The following GREB1L variants were observed in gnomAD, a reference collection of about 807,000 sequenced individuals.
GREB1L encodes the protein GREB1 like retinoic acid receptor coactivator.
Under a neutral mutation model 200.8 loss-of-function variants are expected in GREB1L, and 17 were observed. The observed-to-expected ratio is 0.08, with a 90% CI of 0.06 to 0.13. GREB1L has a LOEUF of 0.13. Among genes scored for constraint, GREB1L ranks in the 10% least tolerant of loss-of-function variants. The pLI, the probability that GREB1L is intolerant of heterozygous loss-of-function variation, is 1.00. For synonymous variants in GREB1L, 789 were observed against 893.0 expected (o/e 0.88, Z 2.08); for missense variants, 1,657 against 2,367.7 (o/e 0.70, Z 6.23).
At chr18:21,348,136 G>A (rs1032823161) in intron 1 of GREB1L, among the ~76,000 whole-genome samples, 33 of 151,490 alleles carry the variant, frequency 2.2e-4, no homozygotes, top group African/African-American at 7.3e-4. Context: ...TATTAGAGAC[G>A]GGGTTTCACC....
At chr18:21,307,028 T>C (rs957916436) in intron 1 of GREB1L, among the ~76,000 whole-genome samples, 2 of 152,250 alleles carry the variant, frequency 1.3e-5, no homozygotes, top group Non-Finnish European at 2.9e-5. Flanking sequence ...ATGTGATTGA[T>C]AATGTTTTCC....
intron 1 of GREB1L, among the ~76,000 whole-genome samples, chr18:21,245,390 A>T (rs1279278933): frequency 6.6e-6 from 1 of 152,224 alleles, no homozygotes; most frequent in Non-Finnish European, 1.5e-5. Flanking sequence ...TACTTAGAGT[A>T]ATATTGATTG....
rs370782073 is a variant in GREB1L at position 21,352,486 on chromosome 18, T to G, written c.-119-13541T>G. ...ATGCACTCTGTTGCCCAGGCTGGAG[T>G]GCGATGGTGAGATCTCGGCTCACTG... On this transcript the variant is annotated intron_variant, in intron 1 of 32. Coordinates refer to ENST00000424526, the MANE Select transcript of GREB1L (RefSeq NM_001142966.3). Among the ~76,000 whole-genome samples, 33 of 152,012 alleles carry G rather than the reference T, an allele frequency of 2.2e-4. No individual in the cohort carries two copies. The East Asian group carries it at 6.0e-3, about 28-fold the overall frequency.
intron 17 of GREB1L, among the ~76,000 whole-genome samples, chr18:21,482,914 G>A (rs1240742707): frequency 1.3e-5 from 2 of 152,054 alleles, no homozygotes; most frequent in African/African-American, 2.4e-5. Context: ...TACCTGAAAC[G>A]TATCTTTATA....
At chr18:21,287,937 G>A (rs1194126380) in intron 1 of GREB1L, among the ~76,000 whole-genome samples, 1 of 151,552 alleles carries the variant, frequency 6.6e-6, no homozygotes, top group Non-Finnish European at 1.5e-5. Flanking sequence ...TGGGATTACA[G>A]GCATACCCTG....
intron 1 of GREB1L, among the ~76,000 whole-genome samples, chr18:21,360,508 G>A (rs1478921322): frequency 1.3e-5 from 2 of 152,166 alleles, no homozygotes; most frequent in African/African-American, 2.4e-5. Flanking sequence ...TTACAGGCAC[G>A]AGCCACTGCA....
At position 21,343,907 on chromosome 18, in the gene GREB1L, G is replaced by A. The variant is rs2039305038; in HGVS notation, c.-119-22120G>A. ...TGTCCCACCTCAGCTTCCCGAGTAG[G>A]TGGAACTACAAGTGTGTACCACCAT... is the stretch of plus-strand genomic sequence containing the variant. On this transcript the variant is annotated intron_variant, in intron 1 of 32. Transcript: ENST00000424526. Among the ~76,000 whole-genome samples the A allele has an allele frequency of 2.0e-5, 3 of 151,782 alleles. No homozygotes were observed. The East Asian group carries it at 5.8e-4, about 29-fold the overall frequency.
chr18:21,249,373 C>G (rs185020693), intron 1 of GREB1L, among the ~76,000 whole-genome samples: 5 of 152,162 alleles, frequency 3.3e-5, no homozygotes, highest in African/African-American at 9.7e-5. Context: ...GGCCCCATCC[C>G]GAGCTTACTG....
intron 1 of GREB1L, among the ~76,000 whole-genome samples, chr18:21,296,780 G>A (rs1167517481): frequency 1.3e-5 from 2 of 151,662 alleles, no homozygotes; most frequent in African/African-American, 4.8e-5. Flanking sequence ...TCAGCCTCCT[G>A]ATTATCTGGG....
chr18:21,467,420 G>C (rs950241890), intron 15 of GREB1L, among the ~76,000 whole-genome samples: 3 of 152,126 alleles, frequency 2.0e-5, no homozygotes, highest in Non-Finnish European at 4.4e-5. Context: ...GTTTAATTAA[G>C]ATATGGATGA....
intron 1 of GREB1L, among the ~76,000 whole-genome samples, chr18:21,328,881 C>G (rs916326761): frequency 2.0e-5 from 3 of 152,108 alleles, no homozygotes; most frequent in Non-Finnish European, 2.9e-5. Flanking sequence ...ATGGTAGTCA[C>G]CATTATTATT....
chr18:21,249,152 T>A (rs1159265555), intron 1 of GREB1L, among the ~76,000 whole-genome samples: 6 of 152,254 alleles, frequency 3.9e-5, no homozygotes, highest in East Asian at 1.9e-4. Context: ...TTTTTTTTTT[T>A]ATTTAGGTAG....
intron 15 of GREB1L, among the ~76,000 whole-genome samples, chr18:21,466,306 A>G (rs2035260798): frequency 6.6e-6 from 1 of 152,180 alleles, no homozygotes; most frequent in Non-Finnish European, 1.5e-5. Context: ...CAGGTTATGA[A>G]CATTTTAAAT....
chr18:21,291,629 G>T (rs1454306236), intron 1 of GREB1L, among the ~76,000 whole-genome samples: 2 of 152,170 alleles, frequency 1.3e-5, no homozygotes, highest in Non-Finnish European at 1.5e-5. Context: ...GAACACAATG[G>T]CTGTGTATTA....
In GREB1L at chr18:21,490,306, G is replaced by A. The variant is rs764997230; in HGVS notation, c.2985G>A (p.Pro995=). The A allele has an allele frequency of 1.0e-5, 16 of 1,551,704 alleles. No homozygotes were observed. The highest frequency in any genetic ancestry group is 2.4e-5 in the South Asian group (2 of 84,048). The change falls in exon 19 of 33, where the codon CCG becomes CCA. Residue 995 remains proline, a synonymous_variant. Coordinates refer to ENST00000424526, the MANE Select transcript of GREB1L (RefSeq NM_001142966.3). ...QYRFEIILGN[P]ATELSVATHF... is the part of the protein sequence containing the mutation. ...GGTTTGAGATCATCCTTGGGAACCC[G>A]GCCACCGAACTCAGTGTTGCAACTC...
intron 1 of GREB1L, among the ~76,000 whole-genome samples, chr18:21,354,773 G>A (rs577715741): frequency 6.6e-6 from 1 of 152,212 alleles, no homozygotes; most frequent in Non-Finnish European, 1.5e-5. Flanking sequence ...ATTTCAGGCA[G>A]AGGGAATGTA....
In GREB1L at chr18:21,524,946, T is replaced by G. The variant is rs1157951633; in HGVS notation, c.*2125T>G. ...AAAATCATCTTATCATCAGTATAAT[T>G]CTTGAGTATGTTAGGTCCTTCTTTA... On this transcript the variant is annotated 3_prime_UTR_variant, in exon 33 of 33. Transcript: ENST00000424526. The G allele has an allele frequency of 6.6e-6, 1 of 151,736 alleles. No homozygotes were observed. The highest frequency in any genetic ancestry group is 1.9e-4 in the East Asian group (1 of 5,190). 9.4% of individuals were successfully genotyped at this position (151,736 alleles called of 1,614,324 possible).
At chr18:21,462,014 A>G (rs186342709) in intron 15 of GREB1L, among the ~76,000 whole-genome samples, 274 of 152,292 alleles carry the variant, frequency 1.8e-3, no homozygotes, top group African/African-American at 6.2e-3. Context: ...GTGACTCCCA[A>G]CCACCACTGG....
chr18:21,479,956 G>A (rs180790429), intron 17 of GREB1L, among the ~76,000 whole-genome samples: 1 of 152,230 alleles, frequency 6.6e-6, no homozygotes, highest in Admixed American at 6.5e-5. Flanking sequence ...ACCCAGGCTG[G>A]TCTCAAACTC....
Sources: allele counts gnomAD v4.1 joint callset (sites outside exome capture counted in the v4.1 genomes callset), GRCh38; gene constraint gnomAD v4.1.1; transcripts MANE v1.5; gene names NCBI Gene and HGNC (gene_info 2026-07-23, HGNC 2026-07-21).